The following NKAIN2 variants were observed in gnomAD, a reference collection of about 807,000 sequenced individuals.
NKAIN2 encodes the protein sodium/potassium-transporting ATPase subunit beta-1-interacting protein 2.
In NKAIN2, 14 loss-of-function variants were observed where a neutral mutation model predicts 32.6. The observed-to-expected ratio is 0.43, with a 90% CI of 0.28 to 0.67. The LOEUF (loss-of-function observed/expected upper bound fraction) is 0.67. Ranked by LOEUF, NKAIN2 falls within the 30% of genes least tolerant of loss-of-function variation. The pLI is 0.17. For synonymous variants in NKAIN2, 80 were observed against 87.2 expected (o/e 0.92, Z 0.46); for missense variants, 198 against 258.3 (o/e 0.77, Z 1.60).
At chr6:124,256,946 G>A (rs75229662) in intron 1 of NKAIN2, among the ~76,000 whole-genome samples, 7,913 of 129,824 alleles carry the variant, frequency 0.061, 432 homozygotes, top group African/African-American at 0.13. Context: ...TACAAACAAC[G>A]TGCAAAAGCT....
intron 3 of NKAIN2, among the ~76,000 whole-genome samples, chr6:124,435,295 T>G (rs1357346952): frequency 6.6e-6 from 1 of 152,084 alleles, no homozygotes. Context: ...CATTAAGTTG[T>G]ATGGAGCAGA....
At chr6:124,233,825 T>C (rs999141735) in intron 1 of NKAIN2, among the ~76,000 whole-genome samples, 8 of 152,198 alleles carry the variant, frequency 5.3e-5, no homozygotes, top group African/African-American at 1.9e-4. Flanking sequence ...TACCTGTCAA[T>C]ATGCTAGGTT....
intron 3 of NKAIN2, among the ~76,000 whole-genome samples, chr6:124,438,475 CTCT>C (rs1306574418): frequency 1.3e-5 from 2 of 152,108 alleles, no homozygotes; most frequent in African/African-American, 4.8e-5. Context: ...TTTCTGTTGA[CTCT>C]TAACTGTGCT....
intron 4 of NKAIN2, among the ~76,000 whole-genome samples, chr6:124,667,698 T>A (rs1417907650): frequency 6.6e-6 from 1 of 152,074 alleles, no homozygotes; most frequent in Non-Finnish European, 1.5e-5. Flanking sequence ...AATAGTAGGA[T>A]ATGTTAGTGT....
At position 124,134,435 on chromosome 6, in the gene NKAIN2, C is replaced by A. The variant is rs1029461895; in HGVS notation, c.55-148570C>A. Reference sequence around the variant, plus strand: ...GCACGGTGGCTCATACTTATAATTCCAGCACTTTGGGAGGCCAAGGCGGGT... The same window carrying A: ...GCACGGTGGCTCATACTTATAATTCAAGCACTTTGGGAGGCCAAGGCGGGT... On this transcript the variant is annotated intron_variant, in intron 1 of 6. Transcript: ENST00000368417. Among the ~76,000 whole-genome samples the A allele has an allele frequency of 7.9e-5, 12 of 152,240 alleles. No individual in the cohort carries two copies. The South Asian group carries it at 1.2e-3, about 16-fold the overall frequency.
At chr6:124,456,445 C>T (rs559263775) in intron 3 of NKAIN2, among the ~76,000 whole-genome samples, 16 of 151,998 alleles carry the variant, frequency 1.1e-4, no homozygotes, top group African/African-American at 3.9e-4. Flanking sequence ...GTATACACAA[C>T]TTAAATATTT....
intron 1 of NKAIN2, among the ~76,000 whole-genome samples, chr6:124,084,549 A>T (rs1784109576): frequency 6.6e-6 from 1 of 152,000 alleles, no homozygotes; most frequent in South Asian, 2.1e-4. Flanking sequence ...TCAACACAGG[A>T]ATTGAAATTT....
At chr6:124,658,512 C>G (rs548777231) in intron 4 of NKAIN2, 126 bp downstream of exon 4, 32 of 1,506,962 alleles carry the variant, frequency 2.1e-5, no homozygotes, top group Non-Finnish European at 2.7e-5. Flanking sequence ...CTCATTAATG[C>G]GACTTTTAAC....
chr6:124,707,255 G>A (rs1277558597), intron 4 of NKAIN2, among the ~76,000 whole-genome samples: 1 of 152,098 alleles, frequency 6.6e-6, no homozygotes, highest in Non-Finnish European at 1.5e-5. Flanking sequence ...GGACATTTGG[G>A]TTGGTTCCAA....
intron 3 of NKAIN2, among the ~76,000 whole-genome samples, chr6:124,459,452 G>A (rs1283112359): frequency 1.3e-5 from 2 of 151,902 alleles, no homozygotes; most frequent in African/African-American, 4.8e-5. Flanking sequence ...TAAGTGTCAT[G>A]TTAAAATCTT....
At chr6:124,630,879 T>G (rs1319930018) in intron 3 of NKAIN2, among the ~76,000 whole-genome samples, 1 of 152,174 alleles carries the variant, frequency 6.6e-6, no homozygotes, top group Non-Finnish European at 1.5e-5. Context: ...GAGTCAGACA[T>G]GTCAAGTTTG....
intron 1 of NKAIN2, among the ~76,000 whole-genome samples, chr6:123,955,054 G>A (rs886383697): frequency 3.9e-5 from 6 of 151,920 alleles, no homozygotes; most frequent in Non-Finnish European, 7.4e-5. Flanking sequence ...ATAAAGGAGA[G>A]AGATAACTAG....
chr6:124,236,846 G>A (rs923390257), intron 1 of NKAIN2, among the ~76,000 whole-genome samples: 2 of 152,214 alleles, frequency 1.3e-5, no homozygotes, highest in African/African-American at 2.4e-5. Context: ...AGACACTAAA[G>A]GTATTGGAAA....
intron 1 of NKAIN2, among the ~76,000 whole-genome samples, chr6:123,929,383 T>C (rs1306142185): frequency 6.6e-6 from 1 of 152,066 alleles, no homozygotes; most frequent in Non-Finnish European, 1.5e-5. Flanking sequence ...AGAAAGAAGA[T>C]TTGTCTGTGA....
At chr6:124,025,016 A>G (rs1396703404) in intron 1 of NKAIN2, among the ~76,000 whole-genome samples, 1 of 151,822 alleles carries the variant, frequency 6.6e-6, no homozygotes, top group Non-Finnish European at 1.5e-5. Flanking sequence ...TACTTAAATT[A>G]CTCAAGTATG....
At chr6:124,633,348 G>C (rs1783645578) in intron 3 of NKAIN2, among the ~76,000 whole-genome samples, 1 of 152,122 alleles carries the variant, frequency 6.6e-6, no homozygotes, top group Admixed American at 6.5e-5. Flanking sequence ...AGTACACATT[G>C]CCTCAAAGTT....
At chr6:124,397,363 C>T (rs1036350196) in intron 3 of NKAIN2, among the ~76,000 whole-genome samples, 3 of 151,938 alleles carry the variant, frequency 2.0e-5, no homozygotes, top group African/African-American at 4.8e-5. Flanking sequence ...ATATTCAGTG[C>T]TTACCAATAA....
intron 2 of NKAIN2, among the ~76,000 whole-genome samples, chr6:124,341,598 A>G (rs1480043092): frequency 6.6e-6 from 1 of 152,198 alleles, no homozygotes; most frequent in African/African-American, 2.4e-5. Context: ...ATAAAATCAC[A>G]AGAAAGCTTG....
At chr6:124,558,388 C>G (rs536542223) in intron 3 of NKAIN2, among the ~76,000 whole-genome samples, 4 of 151,700 alleles carry the variant, frequency 2.6e-5, no homozygotes, top group African/African-American at 9.7e-5. Context: ...AGTCTCACCC[C>G]CGGACTCTTC....
Sources: allele counts gnomAD v4.1 joint callset (sites outside exome capture counted in the v4.1 genomes callset), GRCh38; gene constraint gnomAD v4.1.1; transcripts MANE v1.5; gene names NCBI Gene and HGNC (gene_info 2026-07-23, HGNC 2026-07-21).